CTNNA2: variants seen among roughly 807,000 people sequenced by gnomAD.
CTNNA2 encodes catenin alpha 2, also known as catenin alpha-2.
A neutral mutation model predicts 101.0 loss-of-function variants in CTNNA2; 42 were observed. The observed-to-expected ratio is 0.42, with a 90% CI of 0.32 to 0.54. The LOEUF (loss-of-function observed/expected upper bound fraction) is 0.54. CTNNA2 is among the 20% of genes least tolerant of loss of function. The pLI is 0.14. For synonymous variants in CTNNA2, 450 were observed against 456.4 expected, an observed-to-expected ratio of 0.99 and a Z score of 0.18; for missense variants, 871 against 1,223.1, an observed-to-expected ratio of 0.71 and a Z score of 4.29.
intron 2 of CTNNA2, among the ~76,000 whole-genome samples, chr2:79,720,501 A>T (rs1479254626): frequency 6.6e-6 from 1 of 152,138 alleles, no homozygotes; most frequent in African/African-American, 2.4e-5. Context: ...ATTTTAACAA[A>T]ATTAATTCTT....
chr2:80,379,738 A>G (rs1676319242), intron 7 of CTNNA2, among the ~76,000 whole-genome samples: 1 of 152,186 alleles, frequency 6.6e-6, no homozygotes, highest in Non-Finnish European at 1.5e-5. Context: ...TCAAGAATTT[A>G]TCTATAATTT....
At chr2:80,162,317 T>TA (rs1194839827) in intron 7 of CTNNA2, 6 of 904,008 alleles carry the variant, frequency 6.6e-6, no homozygotes, top group African/African-American at 1.7e-5. Flanking sequence ...ACTGTAGCTT[T>TA]AAAAAAATGT....
intron 7 of CTNNA2, among the ~76,000 whole-genome samples, chr2:80,051,508 T>C (rs987238207): frequency 6.6e-6 from 1 of 152,202 alleles, no homozygotes; most frequent in Non-Finnish European, 1.5e-5. Context: ...TGAATAATAA[T>C]TTTTGCTGCA....
intron 2 of CTNNA2, among the ~76,000 whole-genome samples, chr2:79,685,319 G>C (rs1365096633): frequency 6.6e-6 from 1 of 152,114 alleles, no homozygotes; most frequent in Non-Finnish European, 1.5e-5. Flanking sequence ...TCCAGTAATA[G>C]ATACATATAA....
intron 7 of CTNNA2, among the ~76,000 whole-genome samples, chr2:80,076,939 G>A (rs1024483446): frequency 6.6e-6 from 1 of 152,004 alleles, no homozygotes; most frequent in Non-Finnish European, 1.5e-5. Context: ...CCAGCTACTT[G>A]GGAGGCTGAG....
At chr2:80,224,272 C>T (rs924230223) in intron 7 of CTNNA2, among the ~76,000 whole-genome samples, 2 of 152,116 alleles carry the variant, frequency 1.3e-5, no homozygotes, top group Non-Finnish European at 2.9e-5. Context: ...TTACCCTCTT[C>T]TCTTTTATAA....
At chr2:79,394,151 A>C (rs1267365310) in intron 4 of CTNNA2, among the ~76,000 whole-genome samples, 2 of 152,128 alleles carry the variant, frequency 1.3e-5, no homozygotes, top group African/African-American at 4.8e-5. Flanking sequence ...TCTGCACTCA[A>C]GGCCAGACTC....
intron 9 of CTNNA2, among the ~76,000 whole-genome samples, chr2:80,523,992 A>G (rs889200334): frequency 1.1e-4 from 17 of 152,178 alleles, no homozygotes; most frequent in African/African-American, 3.9e-4. Flanking sequence ...GCAAAAGCAT[A>G]GCATAAGACT....
chr2:79,792,364 G>A (rs1675344241), intron 3 of CTNNA2, among the ~76,000 whole-genome samples: 1 of 152,188 alleles, frequency 6.6e-6, no homozygotes, highest in African/African-American at 2.4e-5. Flanking sequence ...GTTTCTCTAA[G>A]CTCAGAGTTC....
intron 6 of CTNNA2, among the ~76,000 whole-genome samples, chr2:79,890,774 A>G (rs1168957452): frequency 6.8e-6 from 1 of 148,048 alleles, no homozygotes; most frequent in Non-Finnish European, 1.5e-5. Flanking sequence ...ATTTATAAAC[A>G]ATGGTAATTT....
chr2:79,630,572 A>G (rs2104354343), intron 1 of CTNNA2, among the ~76,000 whole-genome samples: 1 of 152,380 alleles, frequency 6.6e-6, no homozygotes, highest in African/African-American at 2.4e-5. Flanking sequence ...TAAGACACAG[A>G]AACAAATAGT....
At chr2:80,515,949 G>T (rs894701494) in intron 9 of CTNNA2, among the ~76,000 whole-genome samples, 3 of 152,146 alleles carry the variant, frequency 2.0e-5, no homozygotes, top group African/African-American at 7.2e-5. Flanking sequence ...TTTTTGCTAA[G>T]GTCTGGGTGT....
intron 7 of CTNNA2, among the ~76,000 whole-genome samples, chr2:80,259,981 G>T (rs540670087): frequency 1.3e-5 from 2 of 152,148 alleles, no homozygotes; most frequent in Non-Finnish European, 2.9e-5. Context: ...CTGCCACCTC[G>T]TGAGCCCTTA....
chr2:80,638,729 C>T (rs985216680), intron 18 of CTNNA2, among the ~76,000 whole-genome samples: 25 of 152,288 alleles, frequency 1.6e-4, no homozygotes, highest in Middle Eastern at 3.4e-3. Context: ...GGTTTACTTA[C>T]CCATAATTGA....
At chr2:80,524,631 TTTC>T (rs1343832963) in intron 9 of CTNNA2, among the ~76,000 whole-genome samples, 2 of 152,174 alleles carry the variant, frequency 1.3e-5, no homozygotes, top group Admixed American at 6.6e-5. Context: ...GCTCACATTC[TTTC>T]TTCTTCCCTA....
At chr2:79,813,314 CCAT>C (rs1380354710) in intron 3 of CTNNA2, among the ~76,000 whole-genome samples, 1 of 152,034 alleles carries the variant, frequency 6.6e-6, no homozygotes, top group Non-Finnish European at 1.5e-5. Flanking sequence ...AGCAAGGAGA[CCAT>C]CAAGGGAGGC....
In CTNNA2 at chr2:79,789,003, A is replaced by G. The variant is rs185775278; in HGVS notation, c.298+44421A>G. ...ATAATGATACACCATGTCAGCTGTT[A>G]AAAATAGTAATAGCTAATGTTTACT... On this transcript the variant is annotated intron_variant, in intron 3 of 18. Coordinates refer to ENST00000402739, the MANE Select transcript of CTNNA2 (RefSeq NM_001282597.3). Among the ~76,000 whole-genome samples the G allele has an allele frequency of 1.3e-4, 19 of 151,994 alleles. No homozygotes were observed. In the East Asian group the frequency reaches 3.5e-3, roughly 28 times the overall value.
intron 7 of CTNNA2, among the ~76,000 whole-genome samples, chr2:79,964,098 A>G (rs908786760): frequency 2.0e-5 from 3 of 152,220 alleles, no homozygotes; most frequent in African/African-American, 7.2e-5. Context: ...AGCATGTCCT[A>G]GAATACCTGC....
At chr2:79,954,522 C>T (rs1689093780) in intron 7 of CTNNA2, among the ~76,000 whole-genome samples, 1 of 152,162 alleles carries the variant, frequency 6.6e-6, no homozygotes, top group African/African-American at 2.4e-5. Flanking sequence ...CCATTGACCT[C>T]ACCTGATTGT....
Sources: allele counts gnomAD v4.1 joint callset (sites outside exome capture counted in the v4.1 genomes callset), GRCh38; gene constraint gnomAD v4.1.1; transcripts MANE v1.5; gene names NCBI Gene and HGNC (gene_info 2026-07-23, HGNC 2026-07-21).